The following PRKAG2 variants were observed in gnomAD, a reference collection of about 807,000 sequenced individuals.
PRKAG2 encodes the protein 5'-AMP-activated protein kinase subunit gamma-2.
PRKAG2 carries 26 observed loss-of-function variants against 69.6 expected under a neutral mutation model. The observed-to-expected ratio is 0.37, with a 90% CI of 0.27 to 0.52. PRKAG2 has a LOEUF of 0.52. Among genes scored for constraint, PRKAG2 ranks in the 20% least tolerant of loss-of-function variants. PRKAG2 has a pLI of 0.90. For synonymous variants in PRKAG2, 293 were observed against 285.0 expected (o/e 1.03, Z -0.28); for missense variants, 557 against 740.0 (o/e 0.75, Z 2.87).
intron 3 of PRKAG2, among the ~76,000 whole-genome samples, chr7:151,763,444 A>G (rs11982124): frequency 0.031 from 4,787 of 152,326 alleles, 205 homozygotes; most frequent in African/African-American, 0.094. Context: ...TGGGAGAGGC[A>G]GAGGAGCTCC....
At chr7:151,622,265 A>C (rs1658717347) in intron 5 of PRKAG2, among the ~76,000 whole-genome samples, 1 of 152,188 alleles carries the variant, frequency 6.6e-6, no homozygotes, top group Non-Finnish European at 1.5e-5. Flanking sequence ...CTCACAATGA[A>C]ACACTGGAGT....
chr7:151,575,896 C>CAAAAAAAAAAAAAA (rs397769419), intron 7 of PRKAG2, among the ~76,000 whole-genome samples: 1 of 63,532 alleles, frequency 1.6e-5, no homozygotes, highest in Non-Finnish European at 3.6e-5. Flanking sequence ...AATGAGGCGG[C>CAAAAAAAAAAAAAA]AAAAAAAAAA....
At chr7:151,802,337 C>T (rs56131024) in intron 1 of PRKAG2, among the ~76,000 whole-genome samples, 28,063 of 152,060 alleles carry the variant, frequency 0.18, 2,687 homozygotes, top group South Asian at 0.25. Context: ...TTGTGCAACA[C>T]GAGGCTGCCA....
chr7:151,660,170 G>C (rs1450365811), intron 4 of PRKAG2, among the ~76,000 whole-genome samples: 1 of 152,146 alleles, frequency 6.6e-6, no homozygotes, highest in Non-Finnish European at 1.5e-5. Context: ...CACATAGACT[G>C]GTATTCAGAG....
intron 1 of PRKAG2, among the ~76,000 whole-genome samples, chr7:151,831,694 G>A (rs115941516): frequency 0.014 from 2,136 of 152,166 alleles, 50 homozygotes; most frequent in African/African-American, 0.047. Flanking sequence ...CCCCTTGCAC[G>A]CCCTGCCTCC....
At chr7:151,672,346 C>T (rs1180480382) in intron 4 of PRKAG2, among the ~76,000 whole-genome samples, 2 of 150,630 alleles carry the variant, frequency 1.3e-5, no homozygotes, top group South Asian at 2.1e-4. Context: ...CCACCCACTT[C>T]GGCCTCCCAA....
rs972044964 is a variant in PRKAG2 at position 151,638,412 on chromosome 7, AT to A, written c.685-6275del. On this transcript the variant is annotated intron_variant, in intron 4 of 15. Coordinates refer to ENST00000287878, the MANE Select transcript of PRKAG2 (RefSeq NM_016203.4). The surrounding 1 kb of genome is among the most constrained non-coding windows in gnomAD (Gnocchi z 4.3). ...CACTTTGGGAGGCCGAGGCGGGCGG[AT>A]CACAAGGTCAGGAGATCGAGACCAT... Among the ~76,000 whole-genome samples, 16 of 152,170 alleles carry A rather than the reference AT, an allele frequency of 1.1e-4. No individual in the cohort carries two copies. The highest frequency in any genetic ancestry group is 3.9e-4 in the African/African-American group (16 of 41,440).
chr7:151,783,912 CAAAAAAAAAAA>C (rs536105914), intron 2 of PRKAG2, among the ~76,000 whole-genome samples: 13 of 28,956 alleles, frequency 4.5e-4, no homozygotes, highest in African/African-American at 9.4e-4. Flanking sequence ...GACCCTGTCT[CAAAAAAAAAAA>C]AAAAAAAAAA....
At chr7:151,701,639 G>T (rs1166863916) in intron 3 of PRKAG2, among the ~76,000 whole-genome samples, 2 of 151,958 alleles carry the variant, frequency 1.3e-5, no homozygotes, top group Non-Finnish European at 2.9e-5. Context: ...GTCAGGAGAT[G>T]GAGACCATCC....
chr7:151,790,887 ATGG>A (rs2077245206), intron 1 of PRKAG2, among the ~76,000 whole-genome samples: 1 of 152,218 alleles, frequency 6.6e-6, no homozygotes, highest in Non-Finnish European at 1.5e-5. Flanking sequence ...TCACGTCAAG[ATGG>A]TGTAAAAGAG....
At chr7:151,711,794 T>C (rs374408521) in intron 3 of PRKAG2, among the ~76,000 whole-genome samples, 1 of 152,220 alleles carries the variant, frequency 6.6e-6, no homozygotes, top group South Asian at 2.1e-4. Context: ...GATATGCAGG[T>C]TCCTGAGAGC....
intron 3 of PRKAG2, among the ~76,000 whole-genome samples, chr7:151,716,379 AC>A (rs1314846650): frequency 1.3e-5 from 2 of 152,068 alleles, no homozygotes; most frequent in Non-Finnish European, 2.9e-5. Flanking sequence ...CCCCTTTGTG[AC>A]CCTGGGCACC....
chr7:151,560,287 GCCACTGGA>G, intron 15 of PRKAG2: 1 of 1,411,202 alleles, frequency 7.1e-7, no homozygotes, highest in East Asian at 3.1e-5. Flanking sequence ...CATTTAGGGG[GCCACTGGA>G]CCTTGATAGG....
In PRKAG2 at chr7:151,557,327, G is replaced by A. The variant is rs1029565738; in HGVS notation, c.1679-95C>T. On this transcript the variant is annotated intron_variant, in intron 15 of 15. Transcript: ENST00000287878. ...CTACCTGTGTCTGGCAGTGCCTTAG[G>A]AGGATGATCCAGAGGCTTCGGAGGA... 6.5e-5 allele frequency: 104 copies of A among 1,612,078 alleles called. 1 individual carries two copies. Among genetic ancestry groups the A allele is most frequent in the Middle Eastern group, 5.5e-4 (3 of 5,426 alleles).
chr7:151,591,023 G>A (rs1812986739), intron 6 of PRKAG2, among the ~76,000 whole-genome samples: 1 of 152,182 alleles, frequency 6.6e-6, no homozygotes, highest in African/African-American at 2.4e-5. Context: ...ACAGGCTTCG[G>A]GAGACAGGGG....
intron 3 of PRKAG2, among the ~76,000 whole-genome samples, chr7:151,724,138 C>T (rs1306197281): frequency 7.2e-5 from 11 of 152,170 alleles, no homozygotes; most frequent in Non-Finnish European, 1.5e-4. Context: ...CCGGGGGGTG[C>T]TGGTGGGGAC....
chr7:151,874,085 G>GA (rs1563772339), intron 1 of PRKAG2, among the ~76,000 whole-genome samples: 1 of 143,360 alleles, frequency 7.0e-6, no homozygotes, highest in East Asian at 2.0e-4. Context: ...ATATGTATAT[G>GA]TATATGATGT....
chr7:151,572,359 G>A (rs767267430), intron 9 of PRKAG2: 16 of 243,036 alleles, frequency 6.6e-5, no homozygotes, highest in Non-Finnish European at 1.1e-4. Context: ...AGTAGTGAGC[G>A]GTGGCCCCAT....
intron 3 of PRKAG2, among the ~76,000 whole-genome samples, chr7:151,692,404 A>G (rs1239159404): frequency 6.6e-6 from 1 of 152,206 alleles, no homozygotes; most frequent in Non-Finnish European, 1.5e-5. Context: ...AAGCAAAATT[A>G]TAGCGGACAG....
Sources: allele counts gnomAD v4.1 joint callset (sites outside exome capture counted in the v4.1 genomes callset), GRCh38; gene constraint gnomAD v4.1.1; non-coding constraint Gnocchi (gnomAD v3.1); transcripts MANE v1.5; gene names NCBI Gene and HGNC (gene_info 2026-07-23, HGNC 2026-07-21).